Variants in ADGRG5 observed in about 807,000 individuals in gnomAD.
ADGRG5 encodes the protein adhesion G protein-coupled receptor G5, also known as G protein-coupled receptor 114.
A neutral mutation model predicts 53.2 loss-of-function variants in ADGRG5; 37 were observed. That is an observed-to-expected ratio of 0.70 (90% CI 0.53 to 0.91). ADGRG5 has a LOEUF of 0.91. ADGRG5 is among the 40% of genes least tolerant of loss of function. The pLI is 0.00. For missense variants in ADGRG5, 614 were observed against 675.8 expected (o/e 0.91, Z 1.01); for synonymous variants, 277 against 290.4 (o/e 0.95, Z 0.47).
chr16:57,559,957 A>G (rs1300983764), intron 1 of ADGRG5, among the ~76,000 whole-genome samples: 6 of 152,168 alleles, frequency 3.9e-5, no homozygotes, highest in African/African-American at 1.4e-4. Flanking sequence ...TTTCTTGTAC[A>G]ACTTGGTTTT....
At chr16:57,530,284 C>T in the ADGRG5 span, among the ~76,000 whole-genome samples, 2 of 152,156 alleles carry the variant, frequency 1.3e-5, no homozygotes, top group African/African-American at 4.8e-5. Flanking sequence ...ATGGGCCATG[C>T]CCCCCTCCTC....
At chr16:57,552,033 T>C (rs1302793394) in intron 1 of ADGRG5, among the ~76,000 whole-genome samples, 1 of 152,308 alleles carries the variant, frequency 6.6e-6, no homozygotes, top group East Asian at 1.9e-4. Context: ...TAAATCTTTT[T>C]TTTTTTTTGA....
At chr16:57,570,150 C>T (rs1048618376) in intron 9 of ADGRG5, among the ~76,000 whole-genome samples, 8 of 152,192 alleles carry the variant, frequency 5.3e-5, no homozygotes, top group African/African-American at 1.9e-4. Flanking sequence ...CCCAGTCCTC[C>T]CTCCCATTTG....
At chr16:57,547,863 C>T (rs779415312) in intron 1 of ADGRG5, among the ~76,000 whole-genome samples, 8 of 152,216 alleles carry the variant, frequency 5.3e-5, no homozygotes, top group Non-Finnish European at 2.9e-5. Context: ...AGTCCTCTTG[C>T]CTCAGCCTCC....
chr16:57,562,940 G>T, intron 3 of ADGRG5, 151 bp from the exon 4 acceptor site: 1 of 695,092 alleles, frequency 1.4e-6, no homozygotes, highest in Non-Finnish European at 2.5e-6. Flanking sequence ...AGGTAACAGT[G>T]TGCCAAGGAC....
At chr16:57,556,148 T>C (rs1037349150) in intron 1 of ADGRG5, among the ~76,000 whole-genome samples, 4 of 152,230 alleles carry the variant, frequency 2.6e-5, no homozygotes, top group Non-Finnish European at 5.9e-5. Flanking sequence ...AATACACTTA[T>C]GATTGGTATA....
At chr16:57,554,568 G>C (rs1261058053) in intron 1 of ADGRG5, among the ~76,000 whole-genome samples, 1 of 151,904 alleles carries the variant, frequency 6.6e-6, no homozygotes, top group Non-Finnish European at 1.5e-5. Flanking sequence ...AGTAGAGATG[G>C]GGTTTCACCG....
chr16:57,533,597 C>A, the ADGRG5 span, among the ~76,000 whole-genome samples: 1 of 151,686 alleles, frequency 6.6e-6, no homozygotes, highest in African/African-American at 2.4e-5. Flanking sequence ...CACACTCACA[C>A]ATGGCCCCAG....
At chr16:57,571,468 G>T (rs1055737405) in intron 10 of ADGRG5, among the ~76,000 whole-genome samples, 18 of 152,100 alleles carry the variant, frequency 1.2e-4, no homozygotes, top group Non-Finnish European at 2.9e-5. Flanking sequence ...CATAGGTGGG[G>T]CTGATCCCTC....
In ADGRG5 at chr16:57,554,983, C is replaced by T. The variant is rs535233131; in HGVS notation, c.-38-7073C>T. On this transcript the variant is annotated intron_variant, in intron 1 of 11. Transcript: ENST00000349457. Reference sequence around the variant, plus strand: ...AAATATTTGGAGGATTTTTTGAGGCCTCTTTATGTTTTTTAATTCTAGTTT... The same window carrying T: ...AAATATTTGGAGGATTTTTTGAGGCTTCTTTATGTTTTTTAATTCTAGTTT... 4.6e-5 allele frequency among the ~76,000 whole-genome samples: 7 copies of T among 151,622 alleles called. 1 individual carries two copies. In the South Asian group the frequency reaches 1.3e-3, roughly 27 times the overall value.
At chr16:57,532,648 A>T in the ADGRG5 span, among the ~76,000 whole-genome samples, 1 of 152,152 alleles carries the variant, frequency 6.6e-6, no homozygotes, top group Non-Finnish European at 1.5e-5. Context: ...GCACACTGAC[A>T]CACAGGTACA....
intron 5 of ADGRG5, 113 bp downstream of exon 5, chr16:57,564,092 C>T (rs2033071594): frequency 1.7e-6 from 2 of 1,186,348 alleles, no homozygotes; most frequent in African/African-American, 1.5e-5. Context: ...TGAGACCAAC[C>T]AGCCATCTGT....
At chr16:57,560,736 C>T (rs1232952752) in intron 1 of ADGRG5, among the ~76,000 whole-genome samples, 1 of 152,114 alleles carries the variant, frequency 6.6e-6, no homozygotes, top group Admixed American at 6.5e-5. Flanking sequence ...GATCTGGGGA[C>T]TGAGTTGGGC....
At chr16:57,566,362 A>G (rs1434064175) in intron 6 of ADGRG5, 2 of 398,188 alleles carry the variant, frequency 5.0e-6, no homozygotes, top group African/African-American at 2.1e-5. Context: ...GAATGATCCT[A>G]TTCTGTAGAT....
At chr16:57,551,150 A>G (rs1375438933) in intron 1 of ADGRG5, among the ~76,000 whole-genome samples, 2 of 152,228 alleles carry the variant, frequency 1.3e-5, no homozygotes, top group Non-Finnish European at 2.9e-5. Context: ...AGTACTAGCA[A>G]TCTATCTGAG....
intron 7 of ADGRG5, 30 bp downstream of exon 7, chr16:57,566,781 G>T: frequency 7.1e-7 from 1 of 1,410,136 alleles, no homozygotes; most frequent in Admixed American, 2.7e-5. Context: ...GGGGCTCAGA[G>T]CTACAGAGGG....
chr16:57,572,506 A>G (rs749637887), intron 10 of ADGRG5, among the ~76,000 whole-genome samples: 9 of 152,066 alleles, frequency 5.9e-5, no homozygotes, highest in Non-Finnish European at 1.0e-4. Context: ...ATCCTGGCCA[A>G]CATGGAGAAA....
chr16:57,547,303 C>T (rs1468496328), intron 1 of ADGRG5, among the ~76,000 whole-genome samples: 1 of 152,118 alleles, frequency 6.6e-6, no homozygotes, highest in Non-Finnish European at 1.5e-5. Context: ...TGGTGGCCAC[C>T]CTTCTAGAGC....
In ADGRG5 at chr16:57,563,769, G is replaced by A. The variant is rs552421934; in HGVS notation, c.298-79G>A. The A allele has an allele frequency of 7.0e-6, 11 of 1,574,696 alleles. No individual in the cohort carries two copies. In the East Asian group the frequency reaches 2.5e-4, roughly 35 times the overall value. Reference sequence around the variant, plus strand: ...GGAAACCCCAAGGAAGGTTTCACGGGGAGTGGGAGGCAGTGAAGGTGTTGG... The same window carrying A: ...GGAAACCCCAAGGAAGGTTTCACGGAGAGTGGGAGGCAGTGAAGGTGTTGG... On this transcript the variant is annotated intron_variant, in intron 4 of 11. Coordinates refer to ENST00000349457, the MANE Select transcript of ADGRG5 (RefSeq NM_001304376.3).
Sources: gnomAD v4.1 joint callset for allele counts (sites outside exome capture counted in the v4.1 genomes callset) on GRCh38, gnomAD v4.1.1 for gene constraint, MANE v1.5 for transcripts, NCBI Gene and HGNC (gene_info 2026-07-23, HGNC 2026-07-21) for gene names.